The following MGST1 variants were observed in gnomAD, a reference collection of about 807,000 sequenced individuals.
MGST1 encodes glutathione S-transferase 12.
In MGST1, 5 loss-of-function variants were observed where a neutral mutation model predicts 8.9. The ratio of observed to expected loss-of-function variants is 0.56; its 90% CI spans 0.29 to 1.19. The LOEUF is 1.19. Among genes scored for constraint, MGST1 ranks in the 50% most tolerant of loss-of-function variants. The pLI, the probability that MGST1 is intolerant of heterozygous loss-of-function variation, is 0.08. For synonymous variants in MGST1, 54 were observed against 67.8 expected, an observed-to-expected ratio of 0.80 and a Z score of 1.00; for missense variants, 182 against 187.4, an observed-to-expected ratio of 0.97 and a Z score of 0.17.
chr12:16,433,766 A>G (rs1326942527), intron 1 of MGST1, among the ~76,000 whole-genome samples: 2 of 152,032 alleles, frequency 1.3e-5, no homozygotes, highest in African/African-American at 2.4e-5. Context: ...CACATCACAC[A>G]TACACATCCC....
At chr12:16,469,629 T>A (rs538594420) in intron 4 of MGST1, among the ~76,000 whole-genome samples, 4 of 152,310 alleles carry the variant, frequency 2.6e-5, no homozygotes, top group African/African-American at 9.6e-5. Flanking sequence ...AACCCATCTG[T>A]TAAGGATGCC....
chr12:16,572,540 G>A (rs988632387), intron 4 of MGST1, among the ~76,000 whole-genome samples: 1 of 149,770 alleles, frequency 6.7e-6, no homozygotes, highest in Non-Finnish European at 1.5e-5. Context: ...AATTTTAACT[G>A]TTTCTCAAAC....
chr12:16,487,546 AGAG>A (rs1386466808), intron 4 of MGST1, among the ~76,000 whole-genome samples: 1 of 152,200 alleles, frequency 6.6e-6, no homozygotes, highest in Non-Finnish European at 1.5e-5. Context: ...AGGGAGATAA[AGAG>A]GAGGCAAGAG....
intron 4 of MGST1, among the ~76,000 whole-genome samples, chr12:16,452,577 G>A (rs1342055406): frequency 2.6e-5 from 4 of 151,680 alleles, no homozygotes; most frequent in South Asian, 2.1e-4. Context: ...TGAGATACTC[G>A]AAACTATGTT....
At chr12:16,409,166 T>G (rs1940719912) in intron 1 of MGST1, among the ~76,000 whole-genome samples, 1 of 152,186 alleles carries the variant, frequency 6.6e-6, no homozygotes, top group Admixed American at 6.5e-5. Context: ...ATACCTAGTT[T>G]CCTTGAACAG....
Position 16,558,814 on chromosome 12 carries a change from ATAAC to A in MGST1, n.483-30708_483-30705del, listed in dbSNP as rs1169329843. On this transcript the variant is annotated intron_variant and non_coding_transcript_variant, in intron 4 of 4. Transcript: ENST00000538857. ...GAATATTATTTGGTAAATTATAAAG[ATAAC>A]TAACTTTTGAGAACCTGTTGTGTTC... Among the ~76,000 whole-genome samples, 11 of 152,314 alleles carry A rather than the reference ATAAC, an allele frequency of 7.2e-5. 1 individual carries two copies. In the South Asian group the frequency reaches 1.0e-3, roughly 14 times the overall value.
rs2137591238 is a variant in MGST1 at position 16,587,806 on chromosome 12, G to T, written n.483-1722G>T. On this transcript the variant is annotated intron_variant and non_coding_transcript_variant, in intron 4 of 4. Transcript: ENST00000538857. This position sits in a 1 kb window ranked among gnomAD's most constrained non-coding sequence, Gnocchi z 4.3. ...TAAAAATCTCACTGTGTCCTGAATG[G>T]GGGGTTTCAGGGGGAGGGAGAGGAA... Among the ~76,000 whole-genome samples the T allele has an allele frequency of 6.6e-6, 1 of 151,958 alleles. No individual in the cohort carries two copies. Among genetic ancestry groups the T allele is most frequent in the South Asian group, 2.1e-4 (1 of 4,820 alleles).
rs1199750770 is a variant in MGST1, at chr12:16,389,426, T to C, written n.778+5822T>C. 6.6e-6 allele frequency among the ~76,000 whole-genome samples: 1 copy of C among 152,190 alleles called. No homozygotes were observed. Among genetic ancestry groups the C allele is most frequent in the Non-Finnish European group, 1.5e-5 (1 of 68,028 alleles). Reference sequence around the variant, plus strand: ...TAGTTGAACTAAAATAAATAAGGTCTCTTTTTGTCTTTTTTGTGATTCCAT... The same window carrying C: ...TAGTTGAACTAAAATAAATAAGGTCCCTTTTTGTCTTTTTTGTGATTCCAT... On this transcript the variant is annotated intron_variant and non_coding_transcript_variant, in intron 1 of 1. Coordinates refer to the MGST1 transcript ENST00000359720. The surrounding 1 kb of genome is among the most constrained non-coding windows in gnomAD (Gnocchi z 4.6).
intron 4 of MGST1, among the ~76,000 whole-genome samples, chr12:16,535,657 T>A (rs1941752939): frequency 6.6e-6 from 1 of 152,186 alleles, no homozygotes; most frequent in East Asian, 1.9e-4. Flanking sequence ...ATGATATTGA[T>A]ATATATAAAG....
intron 4 of MGST1, among the ~76,000 whole-genome samples, chr12:16,527,951 G>A (rs985619257): frequency 6.6e-5 from 10 of 151,904 alleles, no homozygotes; most frequent in African/African-American, 2.2e-4. Context: ...AGAATATAAG[G>A]CTCAAGGAGG....
chr12:16,391,026 T>C (rs963574881), intron 1 of MGST1, among the ~76,000 whole-genome samples: 2 of 152,186 alleles, frequency 1.3e-5, no homozygotes, highest in Non-Finnish European at 2.9e-5. Context: ...TGAAATCTCA[T>C]TGTGGTTTTG....
At chr12:16,488,761 A>G (rs982482119) in intron 4 of MGST1, among the ~76,000 whole-genome samples, 1 of 152,118 alleles carries the variant, frequency 6.6e-6, no homozygotes, top group Non-Finnish European at 1.5e-5. Context: ...ACTGGCCATA[A>G]TGTCATGAGT....
rs146369543 is a variant in MGST1, at chr12:16,396,268, C to T, written n.778+12664C>T. On this transcript the variant is annotated intron_variant and non_coding_transcript_variant, in intron 1 of 1. Transcript: ENST00000359720. ...TGATTAAAACCCTCAGCAAAATTGGCATACAAGGAACATACCTCAATGTAG... is the reference window on the plus strand; with the variant it reads ...TGATTAAAACCCTCAGCAAAATTGGTATACAAGGAACATACCTCAATGTAG... Among the ~76,000 whole-genome samples the T allele has an allele frequency of 4.1e-3, 623 of 152,192 alleles. 6 individuals carry two copies. Among genetic ancestry groups the T allele is most frequent in the African/African-American group, 0.014 (585 of 41,532 alleles).
At chr12:16,562,969 G>A (rs907085587) in intron 4 of MGST1, among the ~76,000 whole-genome samples, 1 of 152,142 alleles carries the variant, frequency 6.6e-6, no homozygotes, top group Non-Finnish European at 1.5e-5. Flanking sequence ...AATCATTAAA[G>A]GACTCTTGAA....
At chr12:16,476,181 TGA>T (rs1941321862) in intron 4 of MGST1, among the ~76,000 whole-genome samples, 1 of 152,084 alleles carries the variant, frequency 6.6e-6, no homozygotes, top group Admixed American at 6.6e-5. Flanking sequence ...GTGGATGTAG[TGA>T]GAGTGCAGAT....
At chr12:16,485,789 T>A (rs1941395779) in intron 4 of MGST1, among the ~76,000 whole-genome samples, 1 of 152,186 alleles carries the variant, frequency 6.6e-6, no homozygotes, top group Non-Finnish European at 1.5e-5. Context: ...TAGTCCCAAG[T>A]ACTTACATTA....
chr12:16,550,140 T>G (rs1385531633), intron 4 of MGST1: 1 of 152,078 alleles, frequency 6.6e-6, no homozygotes, highest in East Asian at 1.9e-4. Flanking sequence ...GTAACCTCAC[T>G]ACTCAAATAC....
intron 4 of MGST1, among the ~76,000 whole-genome samples, chr12:16,448,021 G>A (rs1256648272): frequency 2.6e-5 from 4 of 151,840 alleles, no homozygotes. Flanking sequence ...AGTCATCTAT[G>A]TATGGTAGTA....
Position 16,587,976 on chromosome 12 carries a change from C to G in MGST1, n.483-1552C>G, listed in dbSNP as rs1306642450. On this transcript the variant is annotated intron_variant and non_coding_transcript_variant, in intron 4 of 4. Transcript: ENST00000538857. The surrounding 1 kb of genome is among the most constrained non-coding windows in gnomAD (Gnocchi z 4.3). ...ATATTAATTCATGCTTAAAAAGTCCCTTTCTTTCAGATAATTACCCTGTCT... is the reference window on the plus strand; with the variant it reads ...ATATTAATTCATGCTTAAAAAGTCCGTTTCTTTCAGATAATTACCCTGTCT... Among the ~76,000 whole-genome samples the G allele has an allele frequency of 6.6e-6, 1 of 152,050 alleles. No individual in the cohort carries two copies. The highest frequency in any genetic ancestry group is 1.5e-5 in the Non-Finnish European group (1 of 67,988).
Sources: gnomAD v4.1 joint callset for allele counts (sites outside exome capture counted in the v4.1 genomes callset) on GRCh38, gnomAD v4.1.1 for gene constraint, Gnocchi (gnomAD v3.1) non-coding constraint, MANE v1.5 for transcripts, NCBI Gene and HGNC (gene_info 2026-07-23, HGNC 2026-07-21) for gene names.